Variants in ZNF385D observed in about 807,000 individuals in gnomAD.
The protein encoded by ZNF385D is zinc finger protein 385D, also known as zinc finger protein 659.
ZNF385D carries 15 observed loss-of-function variants against 35.8 expected under a neutral mutation model. That is an observed-to-expected ratio of 0.42 (90% confidence interval 0.28 to 0.64). The LOEUF (loss-of-function observed/expected upper bound fraction) is 0.64, where lower values mean the gene tolerates loss of function less well. Among genes scored for constraint, ZNF385D ranks in the 30% least tolerant of loss-of-function variants. ZNF385D has a pLI of 0.23. For missense variants in ZNF385D, 474 were observed against 494.6 expected, an observed-to-expected ratio of 0.96 and a Z score of 0.39; for synonymous variants, 212 against 186.8, an observed-to-expected ratio of 1.13 and a Z score of -1.10.
intron 2 of ZNF385D, among the ~76,000 whole-genome samples, chr3:21,632,037 C>T (rs1047769798): frequency 2.0e-5 from 3 of 152,050 alleles, no homozygotes; most frequent in African/African-American, 7.2e-5. Context: ...CCTCATTTCA[C>T]CAATATTTAT....
At chr3:22,226,152 G>C (rs751088212) in intron 2 of ZNF385D, among the ~76,000 whole-genome samples, 1 of 151,962 alleles carries the variant, frequency 6.6e-6, no homozygotes, top group Non-Finnish European at 1.5e-5. Flanking sequence ...GCTAAGTACT[G>C]TTCATTTTAT....
chr3:21,722,685 A>T (rs2068592217), intron 1 of ZNF385D, among the ~76,000 whole-genome samples: 1 of 152,118 alleles, frequency 6.6e-6, no homozygotes, highest in Admixed American at 6.5e-5. Flanking sequence ...CCCCAATATG[A>T]TCTAGATTCT....
intron 3 of ZNF385D, among the ~76,000 whole-genome samples, chr3:21,839,083 T>G (rs1035828418): frequency 6.6e-6 from 1 of 152,096 alleles, no homozygotes; most frequent in African/African-American, 2.4e-5. Context: ...AATCTTTGAT[T>G]AACATAATTA....
chr3:22,173,310 T>C (rs1397307938), intron 2 of ZNF385D, among the ~76,000 whole-genome samples: 1 of 152,062 alleles, frequency 6.6e-6, no homozygotes, highest in Non-Finnish European at 1.5e-5. Context: ...AAATAAAACG[T>C]AGAGTATCAT....
chr3:21,830,481 T>C (rs1694921032), intron 3 of ZNF385D, among the ~76,000 whole-genome samples: 1 of 152,234 alleles, frequency 6.6e-6, no homozygotes, highest in Non-Finnish European at 1.5e-5. Context: ...TTAGGTGCGC[T>C]GGGAAAGCCT....
chr3:21,821,152 G>A (rs1017998767), intron 3 of ZNF385D, among the ~76,000 whole-genome samples: 1 of 151,648 alleles, frequency 6.6e-6, no homozygotes, highest in African/African-American at 2.4e-5. Flanking sequence ...ACAGGTAAAT[G>A]TTTCTAAGTT....
At chr3:21,808,449 C>T (rs2072754428) in intron 3 of ZNF385D, among the ~76,000 whole-genome samples, 1 of 152,194 alleles carries the variant, frequency 6.6e-6, no homozygotes, top group Admixed American at 6.5e-5. Context: ...CTCTGCTCTG[C>T]ATTAAGTGAA....
chr3:21,428,537 A>G (rs1232073798), intron 5 of ZNF385D, among the ~76,000 whole-genome samples: 1 of 152,022 alleles, frequency 6.6e-6, no homozygotes, highest in East Asian at 1.9e-4. Context: ...TTGGAATTTG[A>G]GTCTACAATT....
intron 3 of ZNF385D, among the ~76,000 whole-genome samples, chr3:22,042,538 T>C (rs1271747752): frequency 6.6e-6 from 1 of 152,166 alleles, no homozygotes; most frequent in African/African-American, 2.4e-5. Context: ...ATAATTCTTT[T>C]ACAACAAGCT....
At chr3:22,220,558 G>A (rs958411893) in intron 2 of ZNF385D, among the ~76,000 whole-genome samples, 1 of 152,102 alleles carries the variant, frequency 6.6e-6, no homozygotes, top group Non-Finnish European at 1.5e-5. Flanking sequence ...TTCTGTTATT[G>A]TCATTGTCTT....
chr3:22,331,597 A>C (rs886924572), intron 2 of ZNF385D, among the ~76,000 whole-genome samples: 1 of 152,162 alleles, frequency 6.6e-6, no homozygotes, highest in African/African-American at 2.4e-5. Flanking sequence ...TCCAAAACAG[A>C]ATAGAAGATG....
At chr3:21,760,705 A>G (rs59411960) in intron 3 of ZNF385D, among the ~76,000 whole-genome samples, 17,070 of 152,208 alleles carry the variant, frequency 0.11, 1,389 homozygotes, top group East Asian at 0.41. Flanking sequence ...CTGACTAAAT[A>G]TAGAATACAA....
chr3:21,863,803 T>A (rs573347776), intron 3 of ZNF385D, among the ~76,000 whole-genome samples: 1 of 152,244 alleles, frequency 6.6e-6, no homozygotes, highest in Non-Finnish European at 1.5e-5. Flanking sequence ...GAAAACTAAC[T>A]CTATTAGTGT....
chr3:21,424,137 C>A, intron 6 of ZNF385D, 73 bp from the exon 7 acceptor site: 5 of 1,330,178 alleles, frequency 3.8e-6, no homozygotes, highest in South Asian at 2.8e-5. Context: ...ATTGCTTTAA[C>A]CTGGAGAAAG....
At chr3:21,541,015 A>C (rs2062161554) in intron 3 of ZNF385D, among the ~76,000 whole-genome samples, 1 of 152,164 alleles carries the variant, frequency 6.6e-6, no homozygotes, top group Non-Finnish European at 1.5e-5. Flanking sequence ...AGGCTTCATA[A>C]AAGGTGAATC....
At chr3:21,590,434 T>C (rs1391303110) in intron 2 of ZNF385D, among the ~76,000 whole-genome samples, 1 of 152,174 alleles carries the variant, frequency 6.6e-6, no homozygotes, top group Non-Finnish European at 1.5e-5. Context: ...CATTATGCTT[T>C]TATAATTTAC....
chr3:22,333,842 G>T (rs1032506500), intron 2 of ZNF385D, among the ~76,000 whole-genome samples: 5 of 152,154 alleles, frequency 3.3e-5, no homozygotes, highest in Non-Finnish European at 7.4e-5. Context: ...GGATACCAGA[G>T]AGAGAAATAG....
intron 2 of ZNF385D, among the ~76,000 whole-genome samples, chr3:21,601,925 T>G (rs1020580456): frequency 2.0e-5 from 3 of 152,176 alleles, no homozygotes; most frequent in African/African-American, 7.2e-5. Context: ...TCTCCATATT[T>G]TATGTTCAGA....
chr3:22,005,614 T>A (rs1426359322), intron 3 of ZNF385D, among the ~76,000 whole-genome samples: 1 of 152,062 alleles, frequency 6.6e-6, no homozygotes, highest in Non-Finnish European at 1.5e-5. Flanking sequence ...GTATGTATAA[T>A]TATTATATAT....
Sources: gnomAD v4.1 joint callset for allele counts (sites outside exome capture counted in the v4.1 genomes callset) on GRCh38, gnomAD v4.1.1 for gene constraint, MANE v1.5 for transcripts, NCBI Gene and HGNC (gene_info 2026-07-23, HGNC 2026-07-21) for gene names.